Variants in RBFOX1 observed in about 807,000 individuals in gnomAD.
RBFOX1 encodes the protein RNA binding fox-1 homolog 1, also known as RNA binding protein fox-1 homolog 1.
A neutral mutation model predicts 57.7 loss-of-function variants in RBFOX1; 8 were observed. The observed-to-expected ratio is 0.14, with a 90% confidence interval of 0.08 to 0.25. RBFOX1 has a LOEUF of 0.25. Among genes scored for constraint, RBFOX1 ranks in the 10% least tolerant of loss-of-function variants. RBFOX1 has a pLI of 1.00. For missense variants in RBFOX1, 611 were observed against 548.5 expected, an observed-to-expected ratio of 1.11 and a Z score of -1.14; for synonymous variants, 326 against 222.4, an observed-to-expected ratio of 1.47 and a Z score of -4.15.
At position 7,060,571 on chromosome 16, in the gene RBFOX1, G is replaced by C. The variant is rs556290035; in HGVS notation, c.27+8473G>C. On this transcript the variant is annotated intron_variant, in intron 4 of 15. Coordinates refer to ENST00000550418, the MANE Select transcript of RBFOX1 (RefSeq NM_018723.4). Reference sequence around the variant, plus strand: ...TAAAGAACAGAATAGCTACAATTAGGGCTGGAAACACAAAATAAAATTATG... The same window carrying C: ...TAAAGAACAGAATAGCTACAATTAGCGCTGGAAACACAAAATAAAATTATG... 1.1e-3 allele frequency among the ~76,000 whole-genome samples: 170 copies of C among 152,126 alleles called. 1 individual carries two copies. Among genetic ancestry groups the C allele is most frequent in the African/African-American group, 3.9e-3 (161 of 41,488 alleles).
Position 6,809,955 on chromosome 16 carries a change from A to G in RBFOX1, c.-16+155305A>G, listed in dbSNP as rs577308700. Reference sequence around the variant, plus strand: ...GAGCCTACCCGCTTGTCCTGAGTTGAGATTGATATGATCAGACATCTAGAG... The same window carrying G: ...GAGCCTACCCGCTTGTCCTGAGTTGGGATTGATATGATCAGACATCTAGAG... On this transcript the variant is annotated intron_variant, in intron 3 of 15. Transcript: ENST00000550418. Among the ~76,000 whole-genome samples the G allele has an allele frequency of 7.2e-5, 11 of 151,748 alleles. No homozygotes were observed. The South Asian group carries it at 2.3e-3, about 32-fold the overall frequency.
At chr16:7,693,843 T>C (rs1205618979) in intron 14 of RBFOX1, among the ~76,000 whole-genome samples, 1 of 152,208 alleles carries the variant, frequency 6.6e-6, no homozygotes, top group Non-Finnish European at 1.5e-5. Flanking sequence ...AATATAATTA[T>C]CTCTGTCTTA....
intron 4 of RBFOX1, among the ~76,000 whole-genome samples, chr16:7,429,569 T>C (rs1195065681): frequency 1.3e-5 from 2 of 152,154 alleles, no homozygotes. Flanking sequence ...TGTCCTCTCA[T>C]ACACCCAGAG....
At chr16:6,038,277 A>G (rs1051003899) in intron 1 of RBFOX1, 1 of 148,754 alleles carries the variant, frequency 6.7e-6, no homozygotes, top group Admixed American at 6.7e-5. Context: ...CGCCTCCTGG[A>G]CTCAAATGAT....
intron 2 of RBFOX1, among the ~76,000 whole-genome samples, chr16:6,375,489 G>A (rs960792540): frequency 2.6e-5 from 4 of 151,856 alleles, no homozygotes; most frequent in African/African-American, 9.7e-5. Flanking sequence ...TTTTTAGGCA[G>A]ATGATCGTTT....
At chr16:7,045,270 G>T (rs1250625236) in intron 3 of RBFOX1, among the ~76,000 whole-genome samples, 1 of 152,072 alleles carries the variant, frequency 6.6e-6, no homozygotes, top group African/African-American at 2.4e-5. Context: ...AATGGAACAG[G>T]TGCATGACCC....
chr16:6,428,307 A>AAAG, intron 2 of RBFOX1, among the ~76,000 whole-genome samples: 1 of 151,552 alleles, frequency 6.6e-6, no homozygotes, highest in African/African-American at 2.4e-5. Flanking sequence ...AAAAAAAAAA[A>AAAG]AAGTGCTCGA....
chr16:6,336,604 C>G (rs1003622708), intron 2 of RBFOX1, among the ~76,000 whole-genome samples: 3 of 152,100 alleles, frequency 2.0e-5, no homozygotes, highest in African/African-American at 7.2e-5. Context: ...CCAGCCTCAT[C>G]ACACACCACC....
chr16:5,871,669 G>A (rs1310118144), intron 4 of RBFOX1, among the ~76,000 whole-genome samples: 1 of 152,064 alleles, frequency 6.6e-6, no homozygotes, highest in East Asian at 1.9e-4. Flanking sequence ...CTGAGACCCA[G>A]CCCCACGTTG....
chr16:6,016,738 C>G (rs1027903434), upstream of RBFOX1, among the ~76,000 whole-genome samples: 1 of 152,138 alleles, frequency 6.6e-6, no homozygotes, highest in African/African-American at 2.4e-5. Flanking sequence ...GATTCTTGGC[C>G]CTAGGTTGTC....
chr16:5,595,341 T>C (rs1474749271), intron 2 of RBFOX1, among the ~76,000 whole-genome samples: 1 of 152,198 alleles, frequency 6.6e-6, no homozygotes, highest in Non-Finnish European at 1.5e-5. Context: ...CTTAACTGGC[T>C]AAATCCTTGC....
At chr16:5,771,537 T>G (rs1350361820) in intron 3 of RBFOX1, among the ~76,000 whole-genome samples, 1 of 152,192 alleles carries the variant, frequency 6.6e-6, no homozygotes, top group Non-Finnish European at 1.5e-5. Flanking sequence ...GCCTCCCGAA[T>G]AGCTGAGATT....
At chr16:5,802,418 C>T (rs1339606073) in intron 3 of RBFOX1, among the ~76,000 whole-genome samples, 1 of 152,032 alleles carries the variant, frequency 6.6e-6, no homozygotes, top group Non-Finnish European at 1.5e-5. Context: ...GGTGGGATAG[C>T]TGCTGAGGTC....
At chr16:5,718,051 G>A (rs1174190681) in intron 3 of RBFOX1, among the ~76,000 whole-genome samples, 1 of 152,138 alleles carries the variant, frequency 6.6e-6, no homozygotes, top group Admixed American at 6.5e-5. Flanking sequence ...TTTGGTATTG[G>A]CCAGGTGACT....
At chr16:5,797,734 C>T (rs1214763903) in intron 3 of RBFOX1, among the ~76,000 whole-genome samples, 8 of 152,130 alleles carry the variant, frequency 5.3e-5, no homozygotes, top group Non-Finnish European at 8.8e-5. Context: ...ATTAATAGAC[C>T]ATTTAGATTT....
At chr16:5,926,918 A>G (rs933495062) in intron 4 of RBFOX1, among the ~76,000 whole-genome samples, 5 of 152,170 alleles carry the variant, frequency 3.3e-5, no homozygotes, top group Non-Finnish European at 7.3e-5. Flanking sequence ...ACAGTTTGGG[A>G]AGGCAAGTAG....
chr16:5,840,865 A>G (rs2056603893), intron 3 of RBFOX1, among the ~76,000 whole-genome samples: 1 of 152,122 alleles, frequency 6.6e-6, no homozygotes, highest in African/African-American at 2.4e-5. Flanking sequence ...TCTGGGTGAG[A>G]GCTTGGACTG....
chr16:5,636,195 A>G (rs1486524092), intron 3 of RBFOX1, among the ~76,000 whole-genome samples: 2 of 152,128 alleles, frequency 1.3e-5, no homozygotes, highest in Non-Finnish European at 2.9e-5. Flanking sequence ...TAAAAATACA[A>G]AAATTAGCTG....
At chr16:7,039,263 T>A (rs1285484044) in intron 3 of RBFOX1, among the ~76,000 whole-genome samples, 1 of 152,216 alleles carries the variant, frequency 6.6e-6, no homozygotes, top group African/African-American at 2.4e-5. Flanking sequence ...TTATTTTTTC[T>A]ACTTAGTACT....
Sources: allele counts gnomAD v4.1 joint callset (sites outside exome capture counted in the v4.1 genomes callset), GRCh38; gene constraint gnomAD v4.1.1; transcripts MANE v1.5; gene names NCBI Gene and HGNC (gene_info 2026-07-23, HGNC 2026-07-21).